OSGIN2: variants seen among roughly 807,000 people sequenced by gnomAD.
The protein encoded by OSGIN2 is oxidative stress-induced growth inhibitor 2.
Under a neutral mutation model 53.8 loss-of-function variants are expected in OSGIN2, and 19 were observed. That is an observed-to-expected ratio of 0.35 (90% CI 0.25 to 0.52). The LOEUF is 0.52. Among genes scored for constraint, OSGIN2 ranks in the 20% least tolerant of loss-of-function variants. The pLI, the probability that OSGIN2 is intolerant of heterozygous loss-of-function variation, is 0.95. For synonymous variants in OSGIN2, 236 were observed against 236.0 expected (o/e 1.00, Z 0.00); for missense variants, 520 against 662.7 (o/e 0.78, Z 2.36).
chr8:89,903,657 G>A (rs1326615975), intron 1 of OSGIN2, among the ~76,000 whole-genome samples: 1 of 152,122 alleles, frequency 6.6e-6, no homozygotes. Flanking sequence ...GAACTTGGAT[G>A]GAAAGAAAGG....
Position 89,926,661 on chromosome 8 carries a change from TCTG to T in OSGIN2, c.*1130_*1132del, listed in dbSNP as rs1809340631. On this transcript the variant is annotated 3_prime_UTR_variant, in exon 6 of 6. Transcript: ENST00000451899. ...TCTAATTATATAAGTGTGTTTACTGTCTGTGTTTTCACACAAACTGCTAGAATT... is the reference window on the plus strand; with the variant it reads ...TCTAATTATATAAGTGTGTTTACTGTTGTTTTCACACAAACTGCTAGAATT... 1 of 152,214 alleles carries T rather than the reference TCTG, an allele frequency of 6.6e-6. No individual in the cohort carries two copies. The highest frequency in any genetic ancestry group is 6.5e-5 in the Admixed American group (1 of 15,278). The allele number at this position is 152,214 out of a possible 1,614,324, so 9.4% of individuals were successfully genotyped here. A position where few individuals can be genotyped will look rare whatever the true frequency, so the allele number is the denominator to read the frequency against.
chr8:89,925,069 A>G lies in OSGIN2; in HGVS notation c.1187A>G (p.Glu396Gly). 6.2e-7 allele frequency: 1 copy of G among 1,613,480 alleles called. No individual in the cohort carries two copies. The highest frequency in any genetic ancestry group is 8.5e-7 in the Non-Finnish European group (1 of 1,179,406). ...CAGCTTCCCAAAAAGCTGTATCCTG[A>G]ATATCATAAAGTCTATCATATGATG... ...FKQLPKKLYPEYHKVYHMMCT... is the reference protein window; with the variant it reads ...FKQLPKKLYPGYHKVYHMMCT... Residue 396 changes from glutamate to glycine, a missense_variant, in exon 6 of 6, where the codon GAA (glutamate) becomes GGA (glycine). Glu to Gly is a moderately conservative substitution (Grantham distance 98). Around this residue, in one of 3 missense-constraint regions of OSGIN2, gnomAD observed 239 missense variants for 328.3 expected, o/e 0.73. Transcript: ENST00000451899.
chr8:89,908,018 G>A (rs1808875481), intron 1 of OSGIN2, among the ~76,000 whole-genome samples: 1 of 152,048 alleles, frequency 6.6e-6, no homozygotes, highest in African/African-American at 2.4e-5. Context: ...AAATGACTTT[G>A]ATCAGAAGCC....
Position 89,909,729 on chromosome 8 carries a change from A to G in OSGIN2, c.199+8A>G, listed in dbSNP as rs772950003. On this transcript the variant is annotated splice_region_variant and intron_variant, in intron 2 of 5. Transcript: ENST00000451899. ...TTCCTGTGGTAATAATAGGTAAGTT[A>G]TTGTATTTTATCTTTTAAAATTATA... 1.4e-5 allele frequency: 22 copies of G among 1,555,662 alleles called. No individual in the cohort carries two copies. The highest frequency in any genetic ancestry group is 5.2e-5 in the Admixed American group (3 of 57,674).
intron 4 of OSGIN2, among the ~76,000 whole-genome samples, chr8:89,920,729 A>G (rs1039202053): frequency 6.6e-6 from 1 of 152,242 alleles, no homozygotes; most frequent in Non-Finnish European, 1.5e-5. Context: ...AAAAATGAAT[A>G]TACTGAATTT....
At chr8:89,904,676 C>T (rs1221017025) in intron 1 of OSGIN2, among the ~76,000 whole-genome samples, 1 of 152,052 alleles carries the variant, frequency 6.6e-6, no homozygotes, top group Non-Finnish European at 1.5e-5. Context: ...ATTAGCCGGG[C>T]AGGGTGGTGT....
chr8:89,915,488 G>A (rs1383004279), intron 4 of OSGIN2, among the ~76,000 whole-genome samples: 4 of 152,134 alleles, frequency 2.6e-5, no homozygotes, highest in African/African-American at 9.7e-5. Flanking sequence ...GATACAATTC[G>A]GTTCATAGCA....
At chr8:89,920,812 C>CA (rs1482637720) in intron 4 of OSGIN2, among the ~76,000 whole-genome samples, 8 of 152,096 alleles carry the variant, frequency 5.3e-5, no homozygotes, top group Admixed American at 1.3e-4. Flanking sequence ...ATTGTGTAGG[C>CA]ATTGGATAAT....
intron 1 of OSGIN2, among the ~76,000 whole-genome samples, chr8:89,907,477 A>G (rs142379582): frequency 6.6e-6 from 1 of 152,320 alleles, no homozygotes; most frequent in Non-Finnish European, 1.5e-5. Flanking sequence ...GATCTTCTGC[A>G]TATGGCTAAC....
intron 1 of OSGIN2, among the ~76,000 whole-genome samples, chr8:89,907,020 G>A (rs1808853085): frequency 6.6e-6 from 1 of 152,186 alleles, no homozygotes; most frequent in South Asian, 2.1e-4. Context: ...TCTAATGAGT[G>A]ATGTTGAACT....
In OSGIN2 at chr8:89,927,298, A is replaced by AAC; in HGVS notation, c.*1767_*1768insCA. 1 of 150,932 alleles carries AAC rather than the reference A, an allele frequency of 6.6e-6. No individual in the cohort carries two copies. Among genetic ancestry groups the AAC allele is most frequent in the East Asian group, 2.0e-4 (1 of 4,936 alleles). 9.3% of individuals were successfully genotyped at this position (150,932 alleles called of 1,614,324 possible). A position where few individuals can be genotyped will look rare whatever the true frequency, so the allele number is the denominator to read the frequency against. Reference sequence around the variant, plus strand: ...TTTTGTGATGAGAGTATTTGTTAAAAAAAAAAAAAGACTTCAAGAAAAATA... The same window carrying AAC: ...TTTTGTGATGAGAGTATTTGTTAAAAACAAAAAAAAAGACTTCAAGAAAAATA... On this transcript the variant is annotated 3_prime_UTR_variant, in exon 6 of 6. Coordinates refer to ENST00000451899, the MANE Select transcript of OSGIN2 (RefSeq NM_001126111.3).
chr8:89,924,381 A>G, intron 5 of OSGIN2, 122 bp from the exon 6 acceptor site: 1 of 685,928 alleles, frequency 1.5e-6, no homozygotes, highest in Non-Finnish European at 2.4e-6. Flanking sequence ...TGTTAGGATA[A>G]TGTATAGCTA....
At chr8:89,916,566 C>G (rs1809083265) in intron 4 of OSGIN2, among the ~76,000 whole-genome samples, 1 of 152,118 alleles carries the variant, frequency 6.6e-6, no homozygotes, top group Admixed American at 6.5e-5. Context: ...TATGTACATC[C>G]TAATTAACCT....
In OSGIN2 at chr8:89,902,782, G is replaced by A; in HGVS notation, c.-12G>A. On this transcript the variant is annotated 5_prime_UTR_variant, in exon 1 of 6. Transcript: ENST00000451899. Reference sequence around the variant, plus strand: ...CGGCGGCCGCGCTCGGGCGCCCCTCGCGCAGCGCTCCATGCCCGTGTGGTG... The same window carrying A: ...CGGCGGCCGCGCTCGGGCGCCCCTCACGCAGCGCTCCATGCCCGTGTGGTG... 8.0e-7 allele frequency: 1 copy of A among 1,249,822 alleles called. No individual in the cohort carries two copies. The highest frequency in any genetic ancestry group is 1.0e-6 in the Non-Finnish European group (1 of 987,330). 77.4% of individuals were successfully genotyped at this position (1,249,822 alleles called of 1,614,324 possible). A position where few individuals can be genotyped will look rare whatever the true frequency, so the allele number is the denominator to read the frequency against.
intron 4 of OSGIN2, among the ~76,000 whole-genome samples, chr8:89,916,903 C>G (rs997429809): frequency 6.6e-6 from 1 of 152,160 alleles, no homozygotes; most frequent in Admixed American, 6.5e-5. Flanking sequence ...GGTTGGTCTT[C>G]TCTTCACACC....
chr8:89,920,450 G>A (rs558117076), intron 4 of OSGIN2, among the ~76,000 whole-genome samples: 62 of 152,156 alleles, frequency 4.1e-4, no homozygotes, highest in Non-Finnish European at 8.7e-4. Context: ...GGCTTTTCTT[G>A]CTTTGTATTG....
chr8:89,911,635 A>G (rs1447191546), intron 2 of OSGIN2, among the ~76,000 whole-genome samples: 1 of 150,972 alleles, frequency 6.6e-6, no homozygotes, highest in Non-Finnish European at 1.5e-5. Context: ...TCTAAAAAAA[A>G]AAAAAAAAAG....
chr8:89,923,803 A>G (rs919908274), intron 5 of OSGIN2, among the ~76,000 whole-genome samples: 2 of 152,234 alleles, frequency 1.3e-5, no homozygotes, highest in African/African-American at 4.8e-5. Flanking sequence ...AATTATGTCA[A>G]ATAATTTGCT....
intron 4 of OSGIN2, among the ~76,000 whole-genome samples, chr8:89,916,695 TTC>T (rs987130119): frequency 6.6e-6 from 1 of 152,188 alleles, no homozygotes; most frequent in Non-Finnish European, 1.5e-5. Context: ...CTTCCAAACT[TTC>T]TGTGGCCCCT....
Sources: gnomAD v4.1 joint callset for allele counts (sites outside exome capture counted in the v4.1 genomes callset) on GRCh38, gnomAD v4.1.1 for gene constraint, gnomAD v4.1.1 regional missense constraint, MANE v1.5 for transcripts, NCBI Gene and HGNC (gene_info 2026-07-23, HGNC 2026-07-21) for gene names.